The following EIF3H variants were observed in gnomAD, a reference collection of about 807,000 sequenced individuals.
EIF3H encodes eIF-3-gamma.
Under a neutral mutation model 44.2 loss-of-function variants are expected in EIF3H, and 26 were observed. That is an observed-to-expected ratio of 0.59 (90% CI 0.43 to 0.82). The LOEUF is 0.82. EIF3H is among the 40% of genes least tolerant of loss of function. The probability of loss-of-function intolerance (pLI) is 0.00; values close to 1 mark genes in which losing one functional copy is unlikely to be tolerated. For missense variants in EIF3H, 359 were observed against 432.8 expected (o/e 0.83, Z 1.51); for synonymous variants, 166 against 151.9 (o/e 1.09, Z -0.68).
upstream of EIF3H, among the ~76,000 whole-genome samples, chr8:116,756,772 C>A (rs966066482): frequency 6.6e-6 from 1 of 152,112 alleles, no homozygotes; most frequent in Non-Finnish European, 1.5e-5. Flanking sequence ...AGTTAATATC[C>A]ACTCATTTCA....
At chr8:116,739,404 A>G (rs965051272) in intron 1 of EIF3H, among the ~76,000 whole-genome samples, 15 of 152,230 alleles carry the variant, frequency 9.9e-5, no homozygotes, top group African/African-American at 3.4e-4. Flanking sequence ...TAATCCCAGC[A>G]CTTTTGGAGG....
At chr8:116,721,210 G>A (rs1029497890) in intron 2 of EIF3H, among the ~76,000 whole-genome samples, 3 of 152,210 alleles carry the variant, frequency 2.0e-5, no homozygotes, top group African/African-American at 7.2e-5. Context: ...ATGGCTAAAA[G>A]GAGCCAAGAT....
upstream of EIF3H, among the ~76,000 whole-genome samples, chr8:116,757,164 A>G (rs1815462844): frequency 6.6e-6 from 1 of 152,176 alleles, no homozygotes. Flanking sequence ...TATCCAACTA[A>G]GGTTTTGCAG....
intron 2 of EIF3H, among the ~76,000 whole-genome samples, chr8:116,675,359 C>T (rs1048266752): frequency 6.6e-6 from 1 of 152,198 alleles, no homozygotes; most frequent in African/African-American, 2.4e-5. Flanking sequence ...CAGAATTTCC[C>T]ATCCTGGCCA....
At chr8:116,744,584 T>G (rs899837946) in intron 1 of EIF3H, among the ~76,000 whole-genome samples, 35 of 152,228 alleles carry the variant, frequency 2.3e-4, no homozygotes, top group African/African-American at 8.0e-4. Context: ...ACTTTGCTAT[T>G]AAACCTAATC....
chr8:116,702,858 C>A (rs1814402145), intron 2 of EIF3H, among the ~76,000 whole-genome samples: 1 of 152,056 alleles, frequency 6.6e-6, no homozygotes, highest in Non-Finnish European at 1.5e-5. Context: ...TCCTGGAGGA[C>A]AATTTTTCCA....
intron 2 of EIF3H, among the ~76,000 whole-genome samples, chr8:116,705,106 T>C (rs1814444542): frequency 6.6e-6 from 1 of 152,208 alleles, no homozygotes; most frequent in African/African-American, 2.4e-5. Context: ...CAACATCTAA[T>C]TCATACTCGG....
chr8:116,655,724 G>A (rs1278056322), intron 5 of EIF3H, 132 bp downstream of exon 5: 2 of 937,866 alleles, frequency 2.1e-6, no homozygotes, highest in East Asian at 2.5e-5. Flanking sequence ...ATTACTCCAT[G>A]TTATACATGT....
intron 1 of EIF3H, among the ~76,000 whole-genome samples, chr8:116,740,475 A>G (rs1815110818): frequency 6.6e-6 from 1 of 152,148 alleles, no homozygotes; most frequent in Non-Finnish European, 1.5e-5. Context: ...TATTCTGAAC[A>G]TCGTATTTTT....
rs1390858715 is a variant in EIF3H, at chr8:116,755,692, C to T, written c.106G>A (p.Val36Met). Residue 36 changes from valine (V) to methionine (M), a missense_variant, in exon 1 of 8, where the codon GTG becomes ATG. Transcript: ENST00000521861. ...KGKGGSGDSA[V>M]KQVQIDGLVV... Reference sequence around the variant, plus strand: ...AGGCCATCTATCTGCACTTGCTTCACGGCTGAATCTCCCGAGCCGCCTTTG... The same window carrying T: ...AGGCCATCTATCTGCACTTGCTTCATGGCTGAATCTCCCGAGCCGCCTTTG... The T allele has an allele frequency of 1.9e-5, 31 of 1,614,046 alleles. No individual in the cohort carries two copies. In the Admixed American group the frequency reaches 4.7e-4, roughly 24 times the overall value.
chr8:116,717,278 T>C (rs370657028), intron 2 of EIF3H, among the ~76,000 whole-genome samples: 3 of 152,266 alleles, frequency 2.0e-5, no homozygotes, highest in East Asian at 1.9e-4. Context: ...ACACATGCCA[T>C]GCTCATGTAT....
In EIF3H at chr8:116,646,331, T is replaced by G. The variant is rs186252635; in HGVS notation, c.961+140A>C. On this transcript the variant is annotated intron_variant, in intron 7 of 7. Transcript: ENST00000521861. The stretch of plus-strand genomic sequence containing the variant: ...GTTCTTAGATTTCAGATATTACAGG[T>G]GCTAGATTCAAATTCATCCTGCAAC... 133 of 1,233,442 alleles carry G rather than the reference T, an allele frequency of 1.1e-4. No homozygotes were observed. In the African/African-American group the frequency reaches 1.9e-3, roughly 17 times the overall value. The allele number at this position is 1,233,442 out of a possible 1,614,324, so 76.4% of individuals were successfully genotyped here. A position where few individuals can be genotyped will look rare whatever the true frequency, so the allele number is the denominator to read the frequency against.
intron 2 of EIF3H, among the ~76,000 whole-genome samples, chr8:116,708,613 T>C (rs1343931882): frequency 6.6e-6 from 1 of 152,128 alleles, no homozygotes; most frequent in Non-Finnish European, 1.5e-5. Flanking sequence ...ATTAGTGTAA[T>C]TCATTCACTA....
intron 2 of EIF3H, among the ~76,000 whole-genome samples, chr8:116,708,956 T>C (rs1444758654): frequency 6.6e-6 from 1 of 151,806 alleles, no homozygotes; most frequent in Non-Finnish European, 1.5e-5. Flanking sequence ...GTTGAACTTG[T>C]ACCTCCTTAA....
At chr8:116,648,084 A>G (rs1015486441) in intron 6 of EIF3H, among the ~76,000 whole-genome samples, 10 of 152,246 alleles carry the variant, frequency 6.6e-5, no homozygotes, top group South Asian at 2.1e-4. Flanking sequence ...TTAGAATTCT[A>G]TATTTAACAA....
upstream of EIF3H, among the ~76,000 whole-genome samples, chr8:116,759,236 G>A (rs1815490183): frequency 6.6e-6 from 1 of 152,140 alleles, no homozygotes; most frequent in African/African-American, 2.4e-5. Flanking sequence ...TCCAATTGCT[G>A]GAAATATTTC....
At chr8:116,704,806 G>A (rs1388797001) in intron 2 of EIF3H, among the ~76,000 whole-genome samples, 4 of 146,886 alleles carry the variant, frequency 2.7e-5, no homozygotes, top group African/African-American at 1.0e-4. Flanking sequence ...ACTACTTACG[G>A]CTATTTTAAA....
Position 116,755,322 on chromosome 8 carries a change from A to G in EIF3H, c.132+344T>C, listed in dbSNP as rs73308235. On this transcript the variant is annotated intron_variant, in intron 1 of 7. Transcript: ENST00000521861. ...CTTACTCTCTCCTTCCCAGAGCCCT[A>G]CTAGGTCCCTAAATCCTTCTCGACA... Among the ~76,000 whole-genome samples, 640 of 152,260 alleles carry G rather than the reference A, an allele frequency of 4.2e-3. 6 individuals carry two copies. The highest frequency in any genetic ancestry group is 0.014 in the African/African-American group (575 of 41,534).
intron 1 of EIF3H, among the ~76,000 whole-genome samples, chr8:116,755,248 C>T (rs984837058): frequency 2.0e-5 from 3 of 152,212 alleles, no homozygotes; most frequent in Non-Finnish European, 4.4e-5. Flanking sequence ...TACATCTCCA[C>T]TTGGAACGTT....
Sources: allele counts gnomAD v4.1 joint callset (sites outside exome capture counted in the v4.1 genomes callset), GRCh38; gene constraint gnomAD v4.1.1; transcripts MANE v1.5; gene names NCBI Gene and HGNC (gene_info 2026-07-23, HGNC 2026-07-21).